The following DCST1 variants were observed in gnomAD, a reference collection of about 807,000 sequenced individuals.
DCST1 encodes the protein E3 ubiquitin-protein ligase DCST1.
Under a neutral mutation model 89.1 loss-of-function variants are expected in DCST1, and 78 were observed. The ratio of observed to expected loss-of-function variants is 0.88; its 90% CI spans 0.73 to 1.06. The LOEUF is 1.06. DCST1 is among the 50% of genes least tolerant of loss of function. The probability of loss-of-function intolerance (pLI) is 0.00; values close to 1 mark genes in which losing one functional copy is unlikely to be tolerated. For missense variants in DCST1, 900 were observed against 928.6 expected, an observed-to-expected ratio of 0.97 and a Z score of 0.40; for synonymous variants, 364 against 371.9, an observed-to-expected ratio of 0.98 and a Z score of 0.24.
chr1:155,036,646 AC>A (rs1660284759), intron 4 of DCST1, among the ~76,000 whole-genome samples: 1 of 152,256 alleles, frequency 6.6e-6, no homozygotes. Flanking sequence ...AGGAAAAGGG[AC>A]AAAAGTCTTA....
At chr1:155,038,571 T>C (rs1660339935) in intron 4 of DCST1, among the ~76,000 whole-genome samples, 1 of 152,168 alleles carries the variant, frequency 6.6e-6, no homozygotes, top group Non-Finnish European at 1.5e-5. Flanking sequence ...TGGGTGAACA[T>C]TCCATCAACA....
intron 2 of DCST1, 26 bp from the exon 3 acceptor site, chr1:155,034,409 G>A (rs1660202368): frequency 6.2e-7 from 1 of 1,613,716 alleles, no homozygotes; most frequent in Admixed American, 1.7e-5. Context: ...AGAGTGGGCT[G>A]TTGAGCTACC....
chr1:155,046,170 G>A lies in DCST1; in HGVS notation c.1318G>A (p.Val440Ile), dbSNP rs751299861. The A allele has an allele frequency of 1.3e-5, 21 of 1,614,090 alleles. No homozygotes were observed. Among genetic ancestry groups the A allele is most frequent in the East Asian group, 6.7e-5 (3 of 44,898 alleles). Reference sequence around the variant, plus strand: ...ACTCCGCAAAGCTGAGGAGAAAACCGTCATCTTCCCTTGCAAGCCCACCAT... The same window carrying A: ...ACTCCGCAAAGCTGAGGAGAAAACCATCATCTTCCCTTGCAAGCCCACCAT... Reference protein sequence around the residue: ...LPLRKAEEKTVIFPCKPTIQA... With the variant: ...LPLRKAEEKTIIFPCKPTIQA... Residue 440 changes from valine to isoleucine, a missense_variant, in exon 12 of 17, where the codon GTC (valine) becomes ATC (isoleucine). Physicochemically the swap from Val to Ile is conservative, Grantham distance 29 (BLOSUM62 3). Coordinates refer to ENST00000295542, the MANE Select transcript of DCST1 (RefSeq NM_152494.4).
rs1660706637 is a variant in DCST1 at position 155,047,854 on chromosome 1, G to A, written c.1680G>A (p.Leu560=). Residue 560 remains leucine (L), a synonymous_variant, in exon 15 of 17, where the codon CTG becomes CTA. Transcript: ENST00000295542. ...GGAGAGCTGCAGTACCGATTGGCCT[G>A]TTAGTGTGTCTCTGCCTGTTACAGG... ...AYWRAAVPIG[L]LVCLCLLQAF... 1.2e-6 allele frequency: 2 copies of A among 1,614,108 alleles called. No homozygotes were observed. Among genetic ancestry groups the A allele is most frequent in the Non-Finnish European group, 8.5e-7 (1 of 1,180,050 alleles).
rs1482654946 is a variant in DCST1 at position 155,040,599 on chromosome 1, T to C, written c.506T>C (p.Leu169Ser). 1 of 1,582,108 alleles carries C rather than the reference T, an allele frequency of 6.3e-7. No individual in the cohort carries two copies. The highest frequency in any genetic ancestry group is 8.6e-7 in the Non-Finnish European group (1 of 1,163,394). ...GCTTGGCGCATCTCCACAGCCCCCT[T>C]ACGGGCCATGTTCAAGGACCTGCTG... is the stretch of plus-strand genomic sequence containing the variant. Reference protein sequence around the residue: ...RAAWRISTAPLRAMFKDLLSS... With the variant: ...RAAWRISTAPSRAMFKDLLSS... The change falls in exon 6 of 17, where the codon TTA (leucine) becomes TCA (serine). Residue 169 changes from leucine to serine, a missense_variant. By Grantham distance (145) the Leu-to-Ser change is moderately radical. Coordinates refer to ENST00000295542, the MANE Select transcript of DCST1 (RefSeq NM_152494.4).
At chr1:155,046,929 T>C (rs1660661795) in intron 13 of DCST1, among the ~76,000 whole-genome samples, 1 of 152,056 alleles carries the variant, frequency 6.6e-6, no homozygotes, top group African/African-American at 2.4e-5. Flanking sequence ...TCTTTTCCCC[T>C]TTCTGTGATT....
intron 4 of DCST1, among the ~76,000 whole-genome samples, chr1:155,039,053 C>A (rs948236691): frequency 5.9e-5 from 9 of 152,230 alleles, no homozygotes; most frequent in Non-Finnish European, 2.9e-5. Flanking sequence ...CAGATATTTT[C>A]TCTTGCTCTC....
chr1:155,048,863 A>C (rs1472605630), intron 16 of DCST1: 4 of 601,440 alleles, frequency 6.7e-6, no homozygotes, highest in Non-Finnish European at 1.2e-5. Context: ...GTGCAGTTCA[A>C]GGGACAGGAG....
At chr1:155,044,387 C>G (rs1357253784) in intron 10 of DCST1, among the ~76,000 whole-genome samples, 1 of 144,698 alleles carries the variant, frequency 6.9e-6, no homozygotes, top group Non-Finnish European at 1.5e-5. Context: ...GAGGCTGAGG[C>G]AGGAGAATCA....
chr1:155,040,246 T>C (rs1190337840), intron 5 of DCST1, among the ~76,000 whole-genome samples: 3 of 135,686 alleles, frequency 2.2e-5, no homozygotes, highest in Admixed American at 1.7e-4. Flanking sequence ...GAGGTTGCAA[T>C]GAGCAGAGAT....
intron 5 of DCST1, 69 bp from the exon 6 acceptor site, chr1:155,040,416 G>C: frequency 6.6e-7 from 1 of 1,514,380 alleles, no homozygotes; most frequent in Non-Finnish European, 8.9e-7. Context: ...ATTTGCAGAG[G>C]GAAGCTGAGC....
Position 155,043,363 on chromosome 1 carries a change from GGCTGGGGTGCTGGGGCTCAACACAA to G in DCST1, c.1033_1057del (p.Val345SerfsTer3). ...GTGCCCTCCACCAGGAAGAGAAGCAGGCTGGGGTGCTGGGGCTCAACACAAGCTGGGAGCGCGTGAGCACCGAGGT... is the reference window on the plus strand; with the variant it reads ...GTGCCCTCCACCAGGAAGAGAAGCAGGCTGGGAGCGCGTGAGCACCGAGGT... On this transcript the variant is annotated frameshift_variant, in exon 10 of 17. Transcript: ENST00000295542. LOFTEE classifies it high-confidence loss of function. 1.2e-6 allele frequency: 2 copies of G among 1,614,112 alleles called. No individual in the cohort carries two copies. Among genetic ancestry groups the G allele is most frequent in the Middle Eastern group, 1.7e-4 (1 of 6,054 alleles).
At position 155,050,807 on chromosome 1, in the gene DCST1, G is replaced by T; in HGVS notation, c.2060G>T (p.Arg687Leu). ...CAGCGGTGCCCGGTCTGCACGCCCC[G>T]CGAAGAGCTCTCTTCCTCCGCCTTT... ...MRQRCPVCTP[R>L]EELSSSAFSD... The change falls in exon 17 of 17, where the codon CGC becomes CTC. Residue 687 changes from arginine (R) to leucine (L), a missense_variant. Coordinates refer to ENST00000295542, the MANE Select transcript of DCST1 (RefSeq NM_152494.4). 1 of 1,612,332 alleles carries T rather than the reference G, an allele frequency of 6.2e-7. No homozygotes were observed.
intron 9 of DCST1, 127 bp downstream of exon 9, chr1:155,042,983 G>A (rs1334709671): frequency 2.7e-6 from 2 of 735,476 alleles, no homozygotes; most frequent in Non-Finnish European, 4.1e-6. Context: ...GAGGGAGGGG[G>A]ACAAGGAGGG....
chr1:155,038,703 G>A (rs1245716381), intron 4 of DCST1, among the ~76,000 whole-genome samples: 2 of 152,160 alleles, frequency 1.3e-5, no homozygotes, highest in African/African-American at 4.8e-5. Flanking sequence ...TCTTTGTCCA[G>A]CCTTCTCAGC....
At chr1:155,034,208 C>T (rs772417372) in intron 2 of DCST1, 111 bp downstream of exon 2, 83 of 1,536,344 alleles carry the variant, frequency 5.4e-5, no homozygotes, top group Middle Eastern at 1.7e-4. Context: ...CCTCCACCAC[C>T]TCTCTGGTCT....
chr1:155,041,092 T>C (rs1660423926), intron 6 of DCST1, among the ~76,000 whole-genome samples: 1 of 151,640 alleles, frequency 6.6e-6, no homozygotes, highest in Admixed American at 6.6e-5. Flanking sequence ...AAGGGTAAGG[T>C]CTAAGGACCT....
In DCST1 at chr1:155,034,803, G is replaced by C. The variant is rs1005643687; in HGVS notation, c.262+76G>C. ...CGCCGTCCTGCATGCCCAGGAAGGA[G>C]TCGGGACTTGTTTCTTCTGTACCCA... is the stretch of plus-strand genomic sequence containing the variant. On this transcript the variant is annotated intron_variant, in intron 4 of 16. Coordinates refer to ENST00000295542, the MANE Select transcript of DCST1 (RefSeq NM_152494.4). 13 of 1,521,338 alleles carry C rather than the reference G, an allele frequency of 8.5e-6. No homozygotes were observed. In the East Asian group the frequency reaches 1.3e-4, roughly 16 times the overall value. 94.2% of individuals were successfully genotyped at this position (1,521,338 alleles called of 1,614,324 possible). A position where few individuals can be genotyped will look rare whatever the true frequency, so the allele number is the denominator to read the frequency against.
intron 4 of DCST1, among the ~76,000 whole-genome samples, chr1:155,036,582 A>G (rs1343134198): frequency 6.6e-6 from 1 of 152,010 alleles, no homozygotes; most frequent in African/African-American, 2.4e-5. Flanking sequence ...TTTTTCCTCT[A>G]CTTCCTTCCC....
Sources: gnomAD v4.1 joint callset for allele counts (sites outside exome capture counted in the v4.1 genomes callset) on GRCh38, gnomAD v4.1.1 for gene constraint, MANE v1.5 for transcripts, NCBI Gene and HGNC (gene_info 2026-07-23, HGNC 2026-07-21) for gene names.